The following DYNC2I1 variants were observed in gnomAD, a reference collection of about 807,000 sequenced individuals.
DYNC2I1 encodes the protein dynein 2 intermediate chain 1.
DYNC2I1 carries 89 observed loss-of-function variants against 133.4 expected under a neutral mutation model. The observed-to-expected ratio is 0.67, with a 90% CI of 0.56 to 0.80. The LOEUF is 0.80. Ranked by LOEUF, DYNC2I1 falls within the 30% of genes least tolerant of loss-of-function variation. The pLI is 0.00. For synonymous variants in DYNC2I1, 504 were observed against 484.3 expected (o/e 1.04, Z -0.54); for missense variants, 1,291 against 1,314.5 (o/e 0.98, Z 0.28).
Position 158,880,061 on chromosome 7 carries a change from C to A in DYNC2I1, c.879+72C>A. 7 of 1,507,350 alleles carry A rather than the reference C, an allele frequency of 4.6e-6. No homozygotes were observed. The South Asian group carries it at 9.6e-5, about 21-fold the overall frequency. 93.4% of individuals were successfully genotyped at this position (1,507,350 alleles called of 1,614,324 possible). The stretch of plus-strand genomic sequence containing the variant: ...GCGCTTTCAGAGGAGGCTTACCGGG[C>A]GGTGTCGCCAGACAAGGTTGAGATT... On this transcript the variant is annotated intron_variant, in intron 5 of 24. Coordinates refer to ENST00000407559, the MANE Select transcript of DYNC2I1 (RefSeq NM_018051.5).
chr7:158,866,024 G>A (rs1266026794), intron 1 of DYNC2I1, among the ~76,000 whole-genome samples: 2 of 152,146 alleles, frequency 1.3e-5, no homozygotes, highest in Non-Finnish European at 1.5e-5. Flanking sequence ...AAAGTAGAGA[G>A]GCCGAAGAAA....
At chr7:158,876,816 C>T (rs1843400052) in intron 4 of DYNC2I1, 125 bp downstream of exon 4, 2 of 1,256,646 alleles carry the variant, frequency 1.6e-6, no homozygotes, top group Admixed American at 3.4e-5. Context: ...TGGAAAAGGC[C>T]TCCAGCACTG....
chr7:158,864,307 T>C (rs1842207752), intron 1 of DYNC2I1, among the ~76,000 whole-genome samples: 1 of 152,094 alleles, frequency 6.6e-6, no homozygotes, highest in South Asian at 2.1e-4. Context: ...TACCACTGGG[T>C]CCATGTAGAT....
At chr7:158,950,248 G>A (rs998177146), downstream of DYNC2I1, among the ~76,000 whole-genome samples, 2 of 152,148 alleles carry the variant, frequency 1.3e-5, no homozygotes, top group East Asian at 3.8e-4. Flanking sequence ...ATTTTTAATA[G>A]AGATGGGGTT....
downstream of DYNC2I1, among the ~76,000 whole-genome samples, chr7:158,948,720 C>A (rs1035451235): frequency 1.3e-5 from 2 of 152,164 alleles, no homozygotes; most frequent in African/African-American, 4.8e-5. Context: ...CCACACCCCC[C>A]ACAATTATTT....
chr7:158,909,329 T>TGA (rs1847150906), intron 11 of DYNC2I1, among the ~76,000 whole-genome samples: 3 of 49,458 alleles, frequency 6.1e-5, no homozygotes, highest in African/African-American at 3.8e-4. Context: ...AGACTCTGTC[T>TGA]CAAAAAAAAA....
At chr7:158,905,431 G>GC in intron 10 of DYNC2I1, 1 of 212,872 alleles carries the variant, frequency 4.7e-6, no homozygotes, top group Non-Finnish European at 9.6e-6. Context: ...ATGAGCCATC[G>GC]TATCTGGCCA....
At position 158,945,905 on chromosome 7, in the gene DYNC2I1, AT is replaced by A; in HGVS notation, c.*130del. The A allele has an allele frequency of 1.1e-6, 1 of 915,704 alleles. No homozygotes were observed. Among genetic ancestry groups the A allele is most frequent in the Non-Finnish European group, 1.5e-6 (1 of 675,134 alleles). The allele number at this position is 915,704 out of a possible 1,614,324, so 56.7% of individuals were successfully genotyped here. Reference sequence around the variant, plus strand: ...ACTATGTATATTCTGTATATAATTTATTTTACATGAATATGTCTTTGGTATT... The same window carrying A: ...ACTATGTATATTCTGTATATAATTTATTTACATGAATATGTCTTTGGTATT... On this transcript the variant is annotated 3_prime_UTR_variant, in exon 25 of 25. Coordinates refer to ENST00000407559, the MANE Select transcript of DYNC2I1 (RefSeq NM_018051.5). The surrounding 1 kb of genome is among the most constrained non-coding windows in gnomAD (Gnocchi z 4.1).
intron 2 of DYNC2I1, among the ~76,000 whole-genome samples, chr7:158,870,422 T>C (rs1320825696): frequency 6.6e-6 from 1 of 152,174 alleles, no homozygotes; most frequent in Non-Finnish European, 1.5e-5. Flanking sequence ...GGCGAAATCA[T>C]AGCCCACTGC....
intron 14 of DYNC2I1, among the ~76,000 whole-genome samples, chr7:158,915,685 C>T (rs113546724): frequency 8.3e-5 from 10 of 120,862 alleles, no homozygotes; most frequent in South Asian, 2.3e-4. Flanking sequence ...TGTGAAACGT[C>T]GACACGCTGG....
intron 1 of DYNC2I1, among the ~76,000 whole-genome samples, chr7:158,865,167 C>T (rs534176421): frequency 1.5e-4 from 23 of 152,344 alleles, no homozygotes; most frequent in African/African-American, 5.3e-4. Flanking sequence ...GTTTTGGCTT[C>T]ACCACCTCTG....
At chr7:158,858,499 A>G (rs1426834087) in intron 1 of DYNC2I1, among the ~76,000 whole-genome samples, 1 of 152,178 alleles carries the variant, frequency 6.6e-6, no homozygotes, top group Non-Finnish European at 1.5e-5. Context: ...GTCTTTCATA[A>G]ATGGCCCTAT....
Position 158,934,497 on chromosome 7 carries a change from C to A in DYNC2I1, c.2726C>A (p.Pro909Gln). 6.4e-7 allele frequency: 1 copy of A among 1,571,126 alleles called. No individual in the cohort carries two copies. The highest frequency in any genetic ancestry group is 1.2e-5 in the South Asian group (1 of 85,314). The change falls in exon 23 of 25, where the codon CCA (proline) becomes CAA (glutamine). Residue 909 changes from proline to glutamine, a missense_variant. Transcript: ENST00000407559. ...AAACCTCAGCAACATGGTATAAGAC[C>A]AGTGAAAGTTAATGTCATTGATTTT... ...LFKPQQHGIR[P>Q]VKVNVIDFSP...
the DYNC2I1 span, among the ~76,000 whole-genome samples, chr7:158,842,683 A>G: frequency 1.3e-5 from 2 of 152,258 alleles, no homozygotes; most frequent in Non-Finnish European, 2.9e-5. Flanking sequence ...AGAAGGTCAT[A>G]GTGACGTGTC....
chr7:158,924,666 A>G (rs1481297434), intron 17 of DYNC2I1, among the ~76,000 whole-genome samples: 2 of 152,190 alleles, frequency 1.3e-5, no homozygotes, highest in Non-Finnish European at 2.9e-5. Flanking sequence ...TGCTGCTGCT[A>G]TTACTAAAAA....
At chr7:158,914,791 C>A (rs879714654) in intron 14 of DYNC2I1, among the ~76,000 whole-genome samples, 4 of 151,596 alleles carry the variant, frequency 2.6e-5, no homozygotes, top group Admixed American at 2.0e-4. Context: ...TCTCGTCTGA[C>A]CCCCCTGCCC....
downstream of DYNC2I1, chr7:158,946,193 C>T (rs562960848): frequency 4.4e-4 from 68 of 154,800 alleles, no homozygotes; most frequent in Non-Finnish European, 6.3e-4. Flanking sequence ...ACCGAAATGA[C>T]CTCTGCCAAT....
At chr7:158,847,590 A>C in the DYNC2I1 span, among the ~76,000 whole-genome samples, 2 of 152,224 alleles carry the variant, frequency 1.3e-5, no homozygotes, top group Non-Finnish European at 2.9e-5. Context: ...ACTCCCAGGC[A>C]GTTAGCTCAC....
chr7:158,913,142 C>G (rs1331837622), intron 13 of DYNC2I1, 46 bp downstream of exon 13: 1 of 1,394,182 alleles, frequency 7.2e-7, no homozygotes, highest in Middle Eastern at 1.8e-4. Context: ...TCTTTACATT[C>G]TTTTTTGTTT....
Sources: gnomAD v4.1 joint callset for allele counts (sites outside exome capture counted in the v4.1 genomes callset) on GRCh38, gnomAD v4.1.1 for gene constraint, Gnocchi (gnomAD v3.1) non-coding constraint, MANE v1.5 for transcripts, NCBI Gene and HGNC (gene_info 2026-07-23, HGNC 2026-07-21) for gene names.